Variants in BZW2 observed in about 807,000 individuals in gnomAD.
BZW2 encodes the protein eIF5-mimic protein 1.
In BZW2, 23 loss-of-function variants were observed where a neutral mutation model predicts 53.2. That is an observed-to-expected ratio of 0.43 (90% confidence interval 0.31 to 0.61). The LOEUF (loss-of-function observed/expected upper bound fraction) is 0.61. Among genes scored for constraint, BZW2 ranks in the 20% least tolerant of loss-of-function variants. The pLI, the probability that BZW2 is intolerant of heterozygous loss-of-function variation, is 0.09. For missense variants in BZW2, 409 were observed against 503.1 expected, an observed-to-expected ratio of 0.81 and a Z score of 1.79; for synonymous variants, 227 against 186.4, an observed-to-expected ratio of 1.22 and a Z score of -1.77.
At chr7:16,686,741 C>T (rs975769712) in intron 6 of BZW2, 1 of 152,178 alleles carries the variant, frequency 6.6e-6, no homozygotes, top group African/African-American at 2.4e-5. Flanking sequence ...TTTCCTCCTA[C>T]ATATATGAAG....
rs540878673 is a variant in BZW2 at position 16,695,112 on chromosome 7, T to C, written c.822+108T>C. On this transcript the variant is annotated intron_variant, in intron 8 of 11. Coordinates refer to ENST00000258761, the MANE Select transcript of BZW2 (RefSeq NM_014038.3). The stretch of plus-strand genomic sequence containing the variant: ...CAAGTCTGTCCTATGCTTATTGCTG[T>C]AAACTTTGTCCACTTATTCCTACCA... 3.7e-5 allele frequency: 40 copies of C among 1,073,376 alleles called. 1 individual carries two copies. The South Asian group carries it at 1.2e-3, about 33-fold the overall frequency. The allele number at this position is 1,073,376 out of a possible 1,614,324, so 66.5% of individuals were successfully genotyped here.
intron 5 of BZW2, among the ~76,000 whole-genome samples, chr7:16,684,361 C>A (rs10243402): frequency 0.03 from 4,610 of 152,222 alleles, 229 homozygotes; most frequent in African/African-American, 0.1. Flanking sequence ...GTCCACTCAA[C>A]AAGTTTTAGC....
intron 9 of BZW2, 46 bp from the exon 10 acceptor site, chr7:16,698,002 T>C (rs765507370): frequency 2.5e-6 from 4 of 1,611,364 alleles, no homozygotes; most frequent in Non-Finnish European, 3.4e-6. Context: ...GTCGGCTCTG[T>C]ACCTCCCACG....
intron 1 of BZW2, among the ~76,000 whole-genome samples, chr7:16,652,332 A>G (rs1436447200): frequency 6.6e-6 from 1 of 152,172 alleles, no homozygotes; most frequent in Non-Finnish European, 1.5e-5. Flanking sequence ...GTCTTTAAAC[A>G]TACTGGAGAC....
intron 6 of BZW2, 104 bp from the exon 7 acceptor site, chr7:16,689,693 G>T: frequency 1.2e-6 from 1 of 848,914 alleles, no homozygotes. Flanking sequence ...ACCAAAATTA[G>T]TCTTTTAGTT....
At chr7:16,681,432 T>G (rs769463548) in intron 4 of BZW2, 28 bp downstream of exon 4, 14 of 1,579,500 alleles carry the variant, frequency 8.9e-6, no homozygotes, top group Non-Finnish European at 1.2e-5. Flanking sequence ...GACTGAAGCA[T>G]TTGAAGAGGA....
chr7:16,656,080 T>C (rs940925420), intron 1 of BZW2, among the ~76,000 whole-genome samples: 1 of 150,622 alleles, frequency 6.6e-6, no homozygotes, highest in African/African-American at 2.4e-5. Context: ...TAGTCATATA[T>C]ATGTGTGTGT....
chr7:16,695,145 T>TA, intron 8 of BZW2, 141 bp downstream of exon 8: 1 of 747,098 alleles, frequency 1.3e-6, no homozygotes, highest in Non-Finnish European at 1.9e-6. Flanking sequence ...CCATTTAAAT[T>TA]AACTCAGCTT....
intron 1 of BZW2, among the ~76,000 whole-genome samples, chr7:16,647,838 T>G (rs1781905546): frequency 6.6e-6 from 1 of 152,222 alleles, no homozygotes; most frequent in East Asian, 1.9e-4. Flanking sequence ...TACACATAAT[T>G]GGGTACTTCA....
chr7:16,661,590 G>A (rs1562478134), intron 1 of BZW2, among the ~76,000 whole-genome samples: 1 of 152,122 alleles, frequency 6.6e-6, no homozygotes, highest in Non-Finnish European at 1.5e-5. Context: ...TTATGCAAAA[G>A]TGTTCGATTC....
intron 3 of BZW2, among the ~76,000 whole-genome samples, chr7:16,677,692 A>G (rs1782809250): frequency 6.6e-6 from 1 of 152,160 alleles, no homozygotes; most frequent in South Asian, 2.1e-4. Flanking sequence ...AGGGATTGAA[A>G]TGTATGGCCT....
chr7:16,685,463 G>A (rs17626550), intron 5 of BZW2, among the ~76,000 whole-genome samples: 39 of 148,464 alleles, frequency 2.6e-4, no homozygotes, highest in African/African-American at 7.5e-4. Flanking sequence ...TGTTTTTGCC[G>A]TACAAATTCT....
chr7:16,696,541 A>T (rs899589506), intron 8 of BZW2, among the ~76,000 whole-genome samples: 2 of 127,488 alleles, frequency 1.6e-5, no homozygotes, highest in African/African-American at 5.0e-5. Flanking sequence ...AAGTTTAGGG[A>T]TGGGATAAAA....
chr7:16,652,055 T>C (rs1043373457), intron 1 of BZW2, among the ~76,000 whole-genome samples: 1 of 152,142 alleles, frequency 6.6e-6, no homozygotes, highest in Non-Finnish European at 1.5e-5. Flanking sequence ...AACTCTTCCA[T>C]GTACATAAGC....
intron 7 of BZW2, among the ~76,000 whole-genome samples, chr7:16,692,810 C>T (rs1048340503): frequency 1.3e-5 from 2 of 152,012 alleles, no homozygotes; most frequent in African/African-American, 2.4e-5. Flanking sequence ...AAAGAGCTTC[C>T]AAATGTGGGC....
chr7:16,687,023 T>C (rs1783148314), intron 6 of BZW2: 1 of 152,206 alleles, frequency 6.6e-6, no homozygotes, highest in African/African-American at 2.4e-5. Flanking sequence ...AAAGTCAACA[T>C]AGAATATAAA....
At chr7:16,695,828 G>A (rs1307467269) in intron 8 of BZW2, 4 of 152,166 alleles carry the variant, frequency 2.6e-5, no homozygotes, top group Non-Finnish European at 5.9e-5. Context: ...CTATCCAGCA[G>A]GTGGAGGTGT....
intron 3 of BZW2, among the ~76,000 whole-genome samples, chr7:16,676,852 A>G (rs901688098): frequency 6.6e-5 from 10 of 151,928 alleles, no homozygotes; most frequent in South Asian, 2.1e-4. Flanking sequence ...CCCTTTTGTC[A>G]TTCTTGAACT....
chr7:16,693,823 A>G (rs755298092), intron 7 of BZW2, among the ~76,000 whole-genome samples: 2 of 152,172 alleles, frequency 1.3e-5, no homozygotes, highest in African/African-American at 2.4e-5. Context: ...CATTTTTGAA[A>G]CATATGACTC....
Sources: allele counts gnomAD v4.1 joint callset (sites outside exome capture counted in the v4.1 genomes callset), GRCh38; gene constraint gnomAD v4.1.1; transcripts MANE v1.5; gene names NCBI Gene and HGNC (gene_info 2026-07-23, HGNC 2026-07-21).